FANCC: variants seen among roughly 807,000 people sequenced by gnomAD.
FANCC encodes the protein Fanconi anemia group C protein.
In FANCC, 55 loss-of-function variants were observed where a neutral mutation model predicts 71.3. The observed-to-expected ratio is 0.77, with a 90% CI of 0.62 to 0.97. The LOEUF (loss-of-function observed/expected upper bound fraction) is 0.97, where lower values mean the gene tolerates loss of function less well. FANCC is among the 50% of genes least tolerant of loss of function. The pLI, the probability that FANCC is intolerant of heterozygous loss-of-function variation, is 0.00. For missense variants in FANCC, 678 were observed against 670.9 expected, an observed-to-expected ratio of 1.01 and a Z score of -0.12; for synonymous variants, 275 against 244.9, an observed-to-expected ratio of 1.12 and a Z score of -1.15.
At chr9:95,184,353 A>G (rs1319928287) in intron 4 of FANCC, among the ~76,000 whole-genome samples, 1 of 152,134 alleles carries the variant, frequency 6.6e-6, no homozygotes, top group Non-Finnish European at 1.5e-5. Flanking sequence ...ACAATTTTAA[A>G]TTATCACTTC....
intron 8 of FANCC, among the ~76,000 whole-genome samples, chr9:95,134,572 G>C (rs1307362358): frequency 1.3e-5 from 2 of 152,232 alleles, no homozygotes; most frequent in East Asian, 1.9e-4. Context: ...GAGTTCACTG[G>C]AGCTCCTGGA....
At chr9:95,118,370 G>A (rs939630980) in intron 10 of FANCC, among the ~76,000 whole-genome samples, 1 of 152,228 alleles carries the variant, frequency 6.6e-6, no homozygotes, top group Non-Finnish European at 1.5e-5. Flanking sequence ...CTCGCATTTC[G>A]AGGGCCAAAG....
At chr9:95,282,481 CTAG>C (rs1242668279) in intron 1 of FANCC, among the ~76,000 whole-genome samples, 2 of 152,138 alleles carry the variant, frequency 1.3e-5, no homozygotes, top group East Asian at 3.9e-4. Flanking sequence ...TAACACAATA[CTAG>C]TAGAAGAGTT....
rs1019638484 is a variant in FANCC at position 95,247,594 on chromosome 9, G to T, written c.166-78C>A. 20 of 922,772 alleles carry T rather than the reference G, an allele frequency of 2.2e-5. No homozygotes were observed. The African/African-American group carries it at 3.1e-4, about 14-fold the overall frequency. The allele number at this position is 922,772 out of a possible 1,614,324, so 57.2% of individuals were successfully genotyped here. ...TACTGAACTGACATTATAGATTGAG[G>T]GAACGTGAATGCTTCTTGTTTAGTA... On this transcript the variant is annotated intron_variant, in intron 2 of 14. Coordinates refer to ENST00000289081, the MANE Select transcript of FANCC (RefSeq NM_000136.3).
At chr9:95,174,145 A>C (rs1432220087) in intron 4 of FANCC, among the ~76,000 whole-genome samples, 2 of 152,158 alleles carry the variant, frequency 1.3e-5, no homozygotes, top group South Asian at 2.1e-4. Flanking sequence ...GGAGGCTGGG[A>C]AGTCCAGAAC....
chr9:95,292,275 A>C (rs1172019660), intron 1 of FANCC: 4 of 256,548 alleles, frequency 1.6e-5, no homozygotes, highest in South Asian at 3.0e-4. Flanking sequence ...GGTAGACCCT[A>C]TCTCTCACCA....
At chr9:95,198,563 C>T (rs1188829247) in intron 4 of FANCC, among the ~76,000 whole-genome samples, 1 of 152,174 alleles carries the variant, frequency 6.6e-6, no homozygotes, top group Admixed American at 6.5e-5. Context: ...TGGAAAATCA[C>T]CTCCTGGAAG....
intron 1 of FANCC, among the ~76,000 whole-genome samples, chr9:95,279,947 C>CAA (rs71498957): frequency 4.3e-3 from 275 of 64,586 alleles, no homozygotes; most frequent in Middle Eastern, 0.019. Flanking sequence ...GACTCTGTCT[C>CAA]AAAAAAAAAA....
intron 1 of FANCC, among the ~76,000 whole-genome samples, chr9:95,308,484 C>G (rs1008905241): frequency 2.0e-5 from 3 of 151,984 alleles, no homozygotes; most frequent in African/African-American, 7.3e-5. Flanking sequence ...ACAGGTTTCA[C>G]CCTGTTGGCC....
At chr9:95,142,533 G>T (rs1053804506) in intron 7 of FANCC, 1 of 152,226 alleles carries the variant, frequency 6.6e-6, no homozygotes, top group Non-Finnish European at 1.5e-5. Context: ...GGGTGGAGTG[G>T]CTGTAGACGC....
At chr9:95,292,300 C>A in intron 1 of FANCC, 1 of 446,574 alleles carries the variant, frequency 2.2e-6, no homozygotes, top group Non-Finnish European at 3.0e-6. Context: ...GAAAAATCAA[C>A]ACAACTGCGA....
At chr9:95,315,756 CAT>C (rs1397086502) in intron 1 of FANCC, among the ~76,000 whole-genome samples, 4 of 152,382 alleles carry the variant, frequency 2.6e-5, no homozygotes, top group African/African-American at 4.8e-5. Flanking sequence ...AACTACCACT[CAT>C]GTGAGTTTCC....
At position 95,172,159 on chromosome 9, in the gene FANCC, A is replaced by C; in HGVS notation, c.346-12T>G. ...TGAGATAATACACCCTAAAAAACATAAACAGAAAAAGTTAACTTCTTTAAA... is the reference window on the plus strand; with the variant it reads ...TGAGATAATACACCCTAAAAAACATCAACAGAAAAAGTTAACTTCTTTAAA... On this transcript the variant is annotated splice_polypyrimidine_tract_variant and intron_variant, in intron 4 of 14. Transcript: ENST00000289081. 1 of 1,554,598 alleles carries C rather than the reference A, an allele frequency of 6.4e-7. No homozygotes were observed. The highest frequency in any genetic ancestry group is 8.9e-7 in the Non-Finnish European group (1 of 1,128,008).
At chr9:95,241,416 T>C (rs1830619403) in intron 3 of FANCC, among the ~76,000 whole-genome samples, 1 of 152,056 alleles carries the variant, frequency 6.6e-6, no homozygotes, top group African/African-American at 2.4e-5. Flanking sequence ...AATCTTACAT[T>C]TTGCAGGAAC....
chr9:95,266,551 G>C (rs919056843), intron 1 of FANCC, among the ~76,000 whole-genome samples: 1 of 152,164 alleles, frequency 6.6e-6, no homozygotes, highest in African/African-American at 2.4e-5. Flanking sequence ...ATTTAAAGCA[G>C]TGCTCCTTGG....
At chr9:95,140,603 G>C (rs1481688432) in intron 7 of FANCC, among the ~76,000 whole-genome samples, 2 of 152,194 alleles carry the variant, frequency 1.3e-5, no homozygotes, top group African/African-American at 4.8e-5. Context: ...GGGGAGGCCA[G>C]GGCTTCCTCA....
At chr9:95,174,838 G>A (rs1325130586) in intron 4 of FANCC, among the ~76,000 whole-genome samples, 1 of 152,056 alleles carries the variant, frequency 6.6e-6, no homozygotes, top group Non-Finnish European at 1.5e-5. Context: ...ATAGACCCGG[G>A]ACGACAAGCA....
At chr9:95,204,398 G>A (rs1827989931) in intron 4 of FANCC, among the ~76,000 whole-genome samples, 1 of 152,204 alleles carries the variant, frequency 6.6e-6, no homozygotes, top group Admixed American at 6.5e-5. Flanking sequence ...GAGCATGCCT[G>A]TGAATAGAAA....
intron 4 of FANCC, among the ~76,000 whole-genome samples, chr9:95,175,856 G>A (rs965409447): frequency 2.0e-5 from 3 of 152,246 alleles, no homozygotes; most frequent in African/African-American, 4.8e-5. Flanking sequence ...TCAAATCCAC[G>A]CGGAGGTGTC....
Sources: gnomAD v4.1 joint callset for allele counts (sites outside exome capture counted in the v4.1 genomes callset) on GRCh38, gnomAD v4.1.1 for gene constraint, MANE v1.5 for transcripts, NCBI Gene and HGNC (gene_info 2026-07-23, HGNC 2026-07-21) for gene names.